CCDC192: variants seen among roughly 807,000 people sequenced by gnomAD.
CCDC192 encodes the protein coiled-coil domain containing 192.
intron 5 of CCDC192, among the ~76,000 whole-genome samples, chr5:127,835,839 G>A (rs1750010892): frequency 6.6e-6 from 1 of 152,050 alleles, no homozygotes; most frequent in South Asian, 2.1e-4. Flanking sequence ...CTCAACACCT[G>A]GGGATTACAA....
chr5:127,808,807 T>A (rs1580693618), intron 5 of CCDC192, among the ~76,000 whole-genome samples: 1 of 152,312 alleles, frequency 6.6e-6, no homozygotes, highest in South Asian at 2.1e-4. Flanking sequence ...TTCTGGGACT[T>A]GGCTTTATTC....
chr5:127,860,869 T>A (rs893546666), intron 5 of CCDC192, among the ~76,000 whole-genome samples: 1 of 152,180 alleles, frequency 6.6e-6, no homozygotes, highest in African/African-American at 2.4e-5. Flanking sequence ...AAAAATTAGG[T>A]TAGCCAGCCA....
At chr5:127,893,533 G>A (rs1752788357) in intron 6 of CCDC192, among the ~76,000 whole-genome samples, 1 of 152,166 alleles carries the variant, frequency 6.6e-6, no homozygotes, top group Non-Finnish European at 1.5e-5. Context: ...CAAAAAGAGG[G>A]GAAGGGGAGG....
At chr5:127,734,780 T>C (rs1269669406) in intron 2 of CCDC192, among the ~76,000 whole-genome samples, 6 of 151,364 alleles carry the variant, frequency 4.0e-5, no homozygotes, top group Non-Finnish European at 5.9e-5. Context: ...GGTTGTTTGT[T>C]TTTTTCTTGT....
At chr5:127,755,799 T>C (rs1011759463) in intron 3 of CCDC192, among the ~76,000 whole-genome samples, 5 of 152,170 alleles carry the variant, frequency 3.3e-5, no homozygotes, top group African/African-American at 1.2e-4. Context: ...TATAGGATTT[T>C]TTTTTTTTTG....
intron 6 of CCDC192, among the ~76,000 whole-genome samples, chr5:127,883,901 G>A (rs961374095): frequency 6.6e-6 from 1 of 152,162 alleles, no homozygotes; most frequent in Non-Finnish European, 1.5e-5. Context: ...GGCTGGTAAG[G>A]AGGCTGAACC....
At chr5:127,868,325 T>C (rs1751702314) in intron 5 of CCDC192, among the ~76,000 whole-genome samples, 1 of 152,168 alleles carries the variant, frequency 6.6e-6, no homozygotes, top group Non-Finnish European at 1.5e-5. Context: ...AGACAAGGAA[T>C]CAGAAAATCT....
intron 2 of CCDC192, among the ~76,000 whole-genome samples, chr5:127,741,615 T>C (rs1343153738): frequency 6.6e-6 from 1 of 152,192 alleles, no homozygotes; most frequent in Non-Finnish European, 1.5e-5. Context: ...ATCAAAATGA[T>C]AGAGGGCTAT....
chr5:127,703,722 A>G (rs1045439171), intron 1 of CCDC192, among the ~76,000 whole-genome samples: 7 of 152,172 alleles, frequency 4.6e-5, no homozygotes, highest in African/African-American at 1.7e-4. Context: ...GGGTTCAATA[A>G]ATATTTGTTG....
At position 127,925,263 on chromosome 5, in the gene CCDC192, T is replaced by TAACTCTA. The variant is rs776151748; in HGVS notation, c.536-15919_536-15918insAACTCTA. Among the ~76,000 whole-genome samples, 8 of 151,886 alleles carry TAACTCTA rather than the reference T, an allele frequency of 5.3e-5. No homozygotes were observed. The South Asian group carries it at 6.2e-4, about 12-fold the overall frequency. On this transcript the variant is annotated intron_variant, in intron 6 of 6. Transcript: ENST00000514853. Reference sequence around the variant, plus strand: ...ATGTTTATAATAGAATATCAGAAGATTTCCTAAACTAAAAAATCTTGTTTG... The same window carrying TAACTCTA: ...ATGTTTATAATAGAATATCAGAAGATAACTCTATTCCTAAACTAAAAAATCTTGTTTG...
At chr5:127,921,324 G>T (rs1388832899) in intron 6 of CCDC192, among the ~76,000 whole-genome samples, 3 of 150,416 alleles carry the variant, frequency 2.0e-5, no homozygotes, top group Non-Finnish European at 2.9e-5. Flanking sequence ...TGGGGGTCAT[G>T]ATGACATTAG....
intron 5 of CCDC192, among the ~76,000 whole-genome samples, chr5:127,854,342 C>T (rs541589020): frequency 1.2e-4 from 19 of 152,230 alleles, no homozygotes; most frequent in Admixed American, 3.3e-4. Flanking sequence ...CCCTTATTTA[C>T]GGTTGCGCCT....
intron 2 of CCDC192, 89 bp from the exon 3 acceptor site, chr5:127,754,177 CTT>C: frequency 2.5e-6 from 1 of 393,842 alleles, no homozygotes; most frequent in Non-Finnish European, 4.5e-6. Context: ...TTGATAAACT[CTT>C]ATGGATCTTA....
chr5:127,767,306 T>C (rs1211837850), intron 3 of CCDC192, among the ~76,000 whole-genome samples: 4 of 152,190 alleles, frequency 2.6e-5, no homozygotes, highest in African/African-American at 4.8e-5. Flanking sequence ...CCTGAAGATA[T>C]ATAGGGTTCC....
At chr5:127,723,275 A>G (rs1483563699) in intron 2 of CCDC192, among the ~76,000 whole-genome samples, 2 of 152,214 alleles carry the variant, frequency 1.3e-5, no homozygotes, top group Admixed American at 1.3e-4. Flanking sequence ...GTTGGCATAC[A>G]GAAATGTTAC....
intron 2 of CCDC192, among the ~76,000 whole-genome samples, chr5:127,724,679 T>A (rs1022486226): frequency 5.9e-5 from 9 of 152,034 alleles, no homozygotes; most frequent in Admixed American, 3.3e-4. Flanking sequence ...GGAAACCCCG[T>A]CTCTGCTGAA....
At chr5:127,937,680 T>C (rs1484118199) in intron 6 of CCDC192, among the ~76,000 whole-genome samples, 1 of 152,242 alleles carries the variant, frequency 6.6e-6, no homozygotes, top group African/African-American at 2.4e-5. Flanking sequence ...TCTCATTTTC[T>C]TTCCACCTTC....
chr5:127,941,443 C>A lies in CCDC192; in HGVS notation c.797C>A (p.Pro266His). Residue 266 changes from proline to histidine, a missense_variant, in exon 7 of 7, where the codon CCT (proline) becomes CAT (histidine). Physicochemically the swap from Pro to His is moderately conservative, Grantham distance 77. Transcript: ENST00000514853. Reference sequence around the variant, plus strand: ...GTTTTCTCTACTCATGACATCCCACCTGTGGTCTCTGATGAGAATTTGTAG... The same window carrying A: ...GTTTTCTCTACTCATGACATCCCACATGTGGTCTCTGATGAGAATTTGTAG... Reference protein sequence around the residue: ...APVFSTHDIPPVVSDENL With the variant: ...APVFSTHDIPHVVSDENL 1 of 399,054 alleles carries A rather than the reference C, an allele frequency of 2.5e-6. No individual in the cohort carries two copies. Among genetic ancestry groups the A allele is most frequent in the Non-Finnish European group, 4.4e-6 (1 of 226,064 alleles). The allele number at this position is 399,054 out of a possible 1,614,324, so 24.7% of individuals were successfully genotyped here.
chr5:127,852,959 G>A (rs1161471850), intron 5 of CCDC192, among the ~76,000 whole-genome samples: 5 of 152,068 alleles, frequency 3.3e-5, no homozygotes, highest in Non-Finnish European at 5.9e-5. Context: ...GTGTGGTGGC[G>A]GGTGCCTGTA....
Sources: gnomAD v4.1 joint callset for allele counts (sites outside exome capture counted in the v4.1 genomes callset) on GRCh38, gnomAD v4.1.1 for gene constraint, MANE v1.5 for transcripts, NCBI Gene and HGNC (gene_info 2026-07-23, HGNC 2026-07-21) for gene names.